The following HMGCS1 variants were observed in gnomAD, a reference collection of about 807,000 sequenced individuals.
HMGCS1 encodes the protein 3-hydroxy-3-methylglutaryl-CoA synthase 1, also known as hydroxymethylglutaryl-CoA synthase, cytoplasmic.
Under a neutral mutation model 52.3 loss-of-function variants are expected in HMGCS1, and 9 were observed. The observed-to-expected ratio is 0.17, with a 90% CI of 0.10 to 0.30. HMGCS1 has a LOEUF of 0.30. Ranked by LOEUF, HMGCS1 falls within the 10% of genes least tolerant of loss-of-function variation. The pLI, the probability that HMGCS1 is intolerant of heterozygous loss-of-function variation, is 1.00. For missense variants in HMGCS1, 320 were observed against 620.9 expected (o/e 0.52, Z 5.15); for synonymous variants, 176 against 214.4 (o/e 0.82, Z 1.57).
intron 2 of HMGCS1, among the ~76,000 whole-genome samples, chr5:43,307,368 T>C (rs548487095): frequency 6.6e-6 from 1 of 152,276 alleles, no homozygotes; most frequent in South Asian, 2.1e-4. Context: ...CCACTGTGCC[T>C]GGCCCATTCT....
intron 10 of HMGCS1, among the ~76,000 whole-genome samples, chr5:43,292,154 A>G (rs564604984): frequency 2.4e-4 from 36 of 151,828 alleles, no homozygotes; most frequent in Admixed American, 1.6e-3. Flanking sequence ...CACCAAGCCC[A>G]ACTAATTTTT....
intron 2 of HMGCS1, among the ~76,000 whole-genome samples, 155 bp from the exon 3 acceptor site, chr5:43,299,130 G>A (rs1289784878): frequency 6.6e-6 from 1 of 152,136 alleles, no homozygotes; most frequent in African/African-American, 2.4e-5. Context: ...GTGTACATGT[G>A]AAGTAGCAAT....
chr5:43,297,226 A>C (rs1039413035), intron 4 of HMGCS1, 60 bp from the exon 5 acceptor site: 5 of 1,364,644 alleles, frequency 3.7e-6, no homozygotes, highest in Non-Finnish European at 5.1e-6. Flanking sequence ...CTGTATGTTA[A>C]TAAGTATACT....
At chr5:43,309,519 C>T (rs191700200) in intron 1 of HMGCS1, among the ~76,000 whole-genome samples, 4 of 152,246 alleles carry the variant, frequency 2.6e-5, no homozygotes, top group African/African-American at 4.8e-5. Context: ...GGATTATAGG[C>T]GTGGGCCACC....
At chr5:43,306,675 A>G (rs1047817398) in intron 2 of HMGCS1, among the ~76,000 whole-genome samples, 1 of 150,440 alleles carries the variant, frequency 6.6e-6, no homozygotes, top group Non-Finnish European at 1.5e-5. Flanking sequence ...AGAAAAATCC[A>G]AAATCTTTAA....
intron 1 of HMGCS1, among the ~76,000 whole-genome samples, chr5:43,309,984 A>C (rs1053044379): frequency 6.6e-6 from 1 of 152,230 alleles, no homozygotes; most frequent in Non-Finnish European, 1.5e-5. Flanking sequence ...GATTCAAAGA[A>C]GTGGTTGGAG....
chr5:43,303,933 AC>A (rs1754440997), intron 2 of HMGCS1, among the ~76,000 whole-genome samples: 1 of 152,212 alleles, frequency 6.6e-6, no homozygotes, highest in Middle Eastern at 3.2e-3. Context: ...CAGATGGAGG[AC>A]TACTGATTTT....
intron 10 of HMGCS1, among the ~76,000 whole-genome samples, chr5:43,291,479 T>C (rs967381274): frequency 1.3e-5 from 2 of 152,166 alleles, no homozygotes; most frequent in African/African-American, 4.8e-5. Context: ...AGTATTTTAC[T>C]TGTTACGTCT....
At chr5:43,294,989 TAGC>T in intron 6 of HMGCS1, 128 bp from the exon 7 acceptor site, 1 of 545,802 alleles carries the variant, frequency 1.8e-6, no homozygotes, top group Non-Finnish European at 3.1e-6. Context: ...AAAAGCCAAG[TAGC>T]AGCAATCTAA....
At chr5:43,299,649 CAAAA>C (rs1184736539) in intron 2 of HMGCS1, among the ~76,000 whole-genome samples, 1 of 112,132 alleles carries the variant, frequency 8.9e-6, no homozygotes. Context: ...GACTCCGTCT[CAAAA>C]AAAAAAAAAG....
intron 8 of HMGCS1, among the ~76,000 whole-genome samples, chr5:43,293,376 A>G (rs1753874120): frequency 6.6e-6 from 1 of 152,124 alleles, no homozygotes; most frequent in South Asian, 2.1e-4. Flanking sequence ...TATAGGTGTG[A>G]GCCATTGCAC....
chr5:43,299,538 T>G (rs1319881141), intron 2 of HMGCS1, among the ~76,000 whole-genome samples: 2 of 151,530 alleles, frequency 1.3e-5, no homozygotes, highest in Non-Finnish European at 2.9e-5. Flanking sequence ...TAGCCCCAGC[T>G]ACTCAGGAGG....
intron 1 of HMGCS1, among the ~76,000 whole-genome samples, chr5:43,310,091 T>C (rs1326802222): frequency 6.6e-6 from 1 of 152,230 alleles, no homozygotes; most frequent in Non-Finnish European, 1.5e-5. Flanking sequence ...TCTAGGAAAT[T>C]AAGAACAAGT....
At position 43,289,738 on chromosome 5, in the gene HMGCS1, CACT is replaced by C. The variant is rs1189908802; in HGVS notation, c.*1390_*1392del. ...ATATTAGACAAGAGTATCTTACAAA[CACT>C]ACTATTACATATTACCTTGCAATCT... On this transcript the variant is annotated 3_prime_UTR_variant, in exon 11 of 11. Transcript: ENST00000325110. 3.3e-5 allele frequency: 5 copies of C among 152,692 alleles called. No homozygotes were observed. The highest frequency in any genetic ancestry group is 4.4e-5 in the Non-Finnish European group (3 of 68,020). 9.5% of individuals were successfully genotyped at this position (152,692 alleles called of 1,614,324 possible). A position where few individuals can be genotyped will look rare whatever the true frequency, so the allele number is the denominator to read the frequency against.
chr5:43,301,673 TAC>T (rs1754324784), intron 2 of HMGCS1, among the ~76,000 whole-genome samples: 2 of 152,252 alleles, frequency 1.3e-5, no homozygotes, highest in African/African-American at 4.8e-5. Flanking sequence ...AATGCTGTTT[TAC>T]AGTCACTGGT....
intron 2 of HMGCS1, among the ~76,000 whole-genome samples, chr5:43,304,892 AAG>A (rs1270254877): frequency 6.6e-6 from 1 of 152,276 alleles, no homozygotes; most frequent in Non-Finnish European, 1.5e-5. Context: ...CAAATTCAGA[AAG>A]AGAGTGATTA....
chr5:43,294,108 A>G lies in HMGCS1; in HGVS notation c.1131T>C (p.Ser377=), dbSNP rs925055422. The G allele has an allele frequency of 2.6e-5, 42 of 1,613,558 alleles. No homozygotes were observed. The highest frequency in any genetic ancestry group is 1.2e-4 in the South Asian group (11 of 91,080). ...GKRIGVFSYG[S]GLAATLYSLK... ...GAGAGTACAGAGTGGCAGCCAAACC[A>G]GAACCATAAGAAAACACTCCAATTC... is the stretch of plus-strand genomic sequence containing the variant. Residue 377 remains serine (S), a synonymous_variant, in exon 8 of 11, where the codon TCT becomes TCC. Coordinates refer to ENST00000325110, the MANE Select transcript of HMGCS1 (RefSeq NM_001098272.3).
At chr5:43,300,467 G>A (rs999472896) in intron 2 of HMGCS1, among the ~76,000 whole-genome samples, 5 of 152,062 alleles carry the variant, frequency 3.3e-5, no homozygotes, top group Non-Finnish European at 7.4e-5. Context: ...CTGTATTTAT[G>A]TCATTTGTCC....
chr5:43,308,986 C>T (rs570486401), intron 1 of HMGCS1, among the ~76,000 whole-genome samples: 1 of 152,090 alleles, frequency 6.6e-6, no homozygotes, highest in South Asian at 2.1e-4. Context: ...TGTAATTATA[C>T]ATACTTTGAG....
Sources: gnomAD v4.1 joint callset for allele counts (sites outside exome capture counted in the v4.1 genomes callset) on GRCh38, gnomAD v4.1.1 for gene constraint, MANE v1.5 for transcripts, NCBI Gene and HGNC (gene_info 2026-07-23, HGNC 2026-07-21) for gene names.